CCDC141: variants seen among roughly 807,000 people sequenced by gnomAD.
CCDC141 encodes the protein coiled-coil domain containing 141, also known as coiled-coil domain-containing protein 141.
CCDC141 carries 168 observed loss-of-function variants against 181.0 expected under a neutral mutation model. The ratio of observed to expected loss-of-function variants is 0.93; its 90% confidence interval spans 0.82 to 1.05. CCDC141 has a LOEUF of 1.05. CCDC141 is among the 50% of genes least tolerant of loss of function. The probability of loss-of-function intolerance (pLI) is 0.00; values close to 1 mark genes in which losing one functional copy is unlikely to be tolerated. For synonymous variants in CCDC141, 666 were observed against 642.3 expected (o/e 1.04, Z -0.56); for missense variants, 1,902 against 1,788.5 (o/e 1.06, Z -1.14).
Position 178,886,733 on chromosome 2 carries a change from T to A in CCDC141, c.1527+19A>T, listed in dbSNP as rs756729827. The A allele has an allele frequency of 7.4e-7, 1 of 1,356,116 alleles. No individual in the cohort carries two copies. The highest frequency in any genetic ancestry group is 1.5e-5 in the African/African-American group (1 of 66,392). 84.0% of individuals were successfully genotyped at this position (1,356,116 alleles called of 1,614,324 possible). A position where few individuals can be genotyped will look rare whatever the true frequency, so the allele number is the denominator to read the frequency against. On this transcript the variant is annotated intron_variant, in intron 10 of 23. Transcript: ENST00000443758. ...CTTTACAAAATTATAGCCATAATAA[T>A]CATTCTCATTTTATTTACCTTAGCT...
At chr2:178,853,064 G>A (rs1184271376) in intron 20 of CCDC141, among the ~76,000 whole-genome samples, 2 of 152,194 alleles carry the variant, frequency 1.3e-5, no homozygotes, top group Non-Finnish European at 1.5e-5. Flanking sequence ...AAGTATTACT[G>A]AAATTTTGTA....
chr2:178,864,121 C>T (rs4894056), intron 17 of CCDC141, among the ~76,000 whole-genome samples: 7,338 of 152,136 alleles, frequency 0.048, 419 homozygotes, highest in South Asian at 0.16. Flanking sequence ...GCTCCACTTG[C>T]GCTTTAGCAA....
At chr2:178,951,887 A>T (rs1456907072) in intron 5 of CCDC141, among the ~76,000 whole-genome samples, 2 of 152,214 alleles carry the variant, frequency 1.3e-5, no homozygotes, top group Non-Finnish European at 2.9e-5. Context: ...ATATGGTCAC[A>T]GTGTGTGTCC....
chr2:178,899,726 C>T (rs948009740), intron 8 of CCDC141, among the ~76,000 whole-genome samples: 9 of 152,142 alleles, frequency 5.9e-5, no homozygotes, highest in Non-Finnish European at 8.8e-5. Context: ...TGATGTTCAA[C>T]AATATCTGCT....
intron 8 of CCDC141, among the ~76,000 whole-genome samples, chr2:178,893,795 TCTCTCA>T (rs1160615181): frequency 8.0e-6 from 1 of 124,858 alleles, no homozygotes; most frequent in African/African-American, 2.8e-5. Context: ...CATTTCTCTC[TCTCTCA>T]CACACACACA....
In CCDC141 at chr2:178,893,221, CT is replaced by C. The variant is rs5836663; in HGVS notation, c.1266-4554del. ...AGTGGAGGGGGAAGAAAAATAATTG[CT>C]TTTTTTTTTTTTCTCAAAGAGCACA... On this transcript the variant is annotated intron_variant, in intron 8 of 23. Coordinates refer to ENST00000443758, the MANE Select transcript of CCDC141 (RefSeq NM_173648.4). 4.3e-3 allele frequency among the ~76,000 whole-genome samples: 627 copies of C among 145,442 alleles called. 6 individuals are homozygous for C. The highest frequency in any genetic ancestry group is 0.022 in the South Asian group (100 of 4,606).
At chr2:178,843,633 T>C (rs771791090) in intron 22 of CCDC141, among the ~76,000 whole-genome samples, 46 of 152,224 alleles carry the variant, frequency 3.0e-4, no homozygotes, top group Non-Finnish European at 1.6e-4. Flanking sequence ...TATATTCTTA[T>C]AGTAGTTCAG....
intron 2 of CCDC141, among the ~76,000 whole-genome samples, chr2:179,010,704 T>C (rs1041894192): frequency 1.3e-5 from 2 of 152,038 alleles, no homozygotes; most frequent in African/African-American, 4.8e-5. Flanking sequence ...CTTTAAAGCA[T>C]AAATCACATA....
intron 2 of CCDC141, among the ~76,000 whole-genome samples, chr2:178,979,689 T>C (rs146313832): frequency 0.016 from 2,423 of 152,226 alleles, 26 homozygotes; most frequent in Middle Eastern, 0.031. Context: ...CTGAATAAAT[T>C]AGAATCAAAA....
chr2:179,017,785 G>A (rs368050428), intron 2 of CCDC141, among the ~76,000 whole-genome samples: 2 of 152,050 alleles, frequency 1.3e-5, no homozygotes, highest in African/African-American at 2.4e-5. Context: ...AGTTGTTTAA[G>A]GGAACAAAAT....
chr2:178,852,275 G>T (rs1685196509), intron 20 of CCDC141, among the ~76,000 whole-genome samples: 1 of 152,140 alleles, frequency 6.6e-6, no homozygotes, highest in African/African-American at 2.4e-5. Flanking sequence ...CATGCTCTGA[G>T]ATTGAATAGG....
chr2:178,918,826 G>A lies in CCDC141; in HGVS notation c.979C>T (p.Leu327Phe). 1 of 1,550,596 alleles carries A rather than the reference G, an allele frequency of 6.4e-7. No individual in the cohort carries two copies. Among genetic ancestry groups the A allele is most frequent in the Non-Finnish European group, 8.7e-7 (1 of 1,146,954 alleles). ...LSKDYVEKEH[L>F]QLSHQKLSQL... Reference sequence around the variant, plus strand: ...CTGAGTTTCTGGTGAGAGAGCTGGAGGTGTTCTTTCTCCACGTAGTCCTTT... The same window carrying A: ...CTGAGTTTCTGGTGAGAGAGCTGGAAGTGTTCTTTCTCCACGTAGTCCTTT... The change falls in exon 7 of 24, where the codon CTC (leucine) becomes TTC (phenylalanine). Residue 327 changes from leucine (L) to phenylalanine (F), a missense_variant. Leu to Phe is a conservative substitution (Grantham distance 22). Coordinates refer to ENST00000443758, the MANE Select transcript of CCDC141 (RefSeq NM_173648.4).
intron 2 of CCDC141, among the ~76,000 whole-genome samples, chr2:178,996,526 G>A (rs1208157882): frequency 1.3e-5 from 2 of 152,040 alleles, no homozygotes; most frequent in Non-Finnish European, 2.9e-5. Flanking sequence ...TCCAAAAATG[G>A]GCTATTTCTA....
rs1177070237 is a variant in CCDC141, at chr2:179,015,067, G to GATATATATATAT, written c.225+32205_225+32216dup. Among the ~76,000 whole-genome samples, 363 of 39,362 alleles carry GATATATATATAT rather than the reference G, an allele frequency of 9.2e-3. 4 individuals carry two copies. Among genetic ancestry groups the GATATATATATAT allele is most frequent in the South Asian group, 0.013 (16 of 1,190 alleles). 25.8% of individuals were successfully genotyped at this position (39,362 alleles called of 152,430 possible). On this transcript the variant is annotated intron_variant, in intron 2 of 23. Transcript: ENST00000443758. ...GTGGATAAACTGTGAGAGAGACAGA[G>GATATATATATAT]ATATATATATATATATATATATATA...
At chr2:178,981,754 G>C (rs999932371) in intron 2 of CCDC141, among the ~76,000 whole-genome samples, 1 of 147,992 alleles carries the variant, frequency 6.8e-6, no homozygotes, top group Non-Finnish European at 1.5e-5. Flanking sequence ...ACTAGAGAAA[G>C]AGAGTAAATT....
rs558696650 is a variant in CCDC141 at position 179,049,853 on chromosome 2, A to G, written c.89T>C (p.Ile30Thr). 19 of 1,550,830 alleles carry G rather than the reference A, an allele frequency of 1.2e-5. No homozygotes were observed. In the East Asian group the frequency reaches 4.2e-4, roughly 34 times the overall value. ...AVQAGDSKIV[I>T]AVIKCGKWVQ... ...TTGTTAGCTTACCTTTATGACAGCT[A>G]TAACGATTTTGGAGTCCCCAGCCTG... The change falls in exon 1 of 24, where the codon ATA (isoleucine) becomes ACA (threonine). Residue 30 changes from isoleucine (I) to threonine (T), a missense_variant. Coordinates refer to ENST00000443758, the MANE Select transcript of CCDC141 (RefSeq NM_173648.4).
chr2:178,973,304 C>T (rs1002135369), intron 4 of CCDC141, among the ~76,000 whole-genome samples: 4 of 152,112 alleles, frequency 2.6e-5, no homozygotes, highest in African/African-American at 9.7e-5. Context: ...CATCTCTGTG[C>T]TTCAAGTATC....
intron 2 of CCDC141, among the ~76,000 whole-genome samples, chr2:179,004,922 G>A (rs2042081469): frequency 6.6e-6 from 1 of 152,048 alleles, no homozygotes; most frequent in Admixed American, 6.6e-5. Flanking sequence ...TGGGGAGATG[G>A]GGTTTTGCCA....
intron 5 of CCDC141, 36 bp from the exon 6 acceptor site, chr2:178,944,687 A>G: frequency 1.0e-6 from 1 of 968,464 alleles, no homozygotes; most frequent in Non-Finnish European, 1.5e-6. Context: ...TCAAAATTCA[A>G]ATGATCAGAA....
Sources: allele counts gnomAD v4.1 joint callset (sites outside exome capture counted in the v4.1 genomes callset), GRCh38; gene constraint gnomAD v4.1.1; transcripts MANE v1.5; gene names NCBI Gene and HGNC (gene_info 2026-07-23, HGNC 2026-07-21).